VRK2: variants seen among roughly 807,000 people sequenced by gnomAD.
VRK2 encodes the protein serine/threonine-protein kinase VRK2.
In VRK2, 60 loss-of-function variants were observed where a neutral mutation model predicts 57.6. That is an observed-to-expected ratio of 1.04 (90% CI 0.85 to 1.29). VRK2 has a LOEUF of 1.29. VRK2 is among the 50% of genes most tolerant of loss of function. The pLI is 0.00. For missense variants in VRK2, 705 were observed against 588.1 expected (o/e 1.20, Z -2.06); for synonymous variants, 231 against 199.2 (o/e 1.16, Z -1.35).
chr2:58,135,015 C>CA (rs879151541), intron 9 of VRK2, 126 bp from the exon 10 acceptor site: 17,324 of 751,668 alleles, frequency 0.023, 9 homozygotes, highest in Non-Finnish European at 0.025. Context: ...AGTTGGGTGA[C>CA]AAAAAAAAAA....
At chr2:57,986,989 C>T (rs549394178) in intron 1 of VRK2, among the ~76,000 whole-genome samples, 26 of 152,152 alleles carry the variant, frequency 1.7e-4, no homozygotes, top group Non-Finnish European at 3.5e-4. Flanking sequence ...GTTGGAAAAA[C>T]TGGATATACA....
intron 1 of VRK2, among the ~76,000 whole-genome samples, chr2:58,019,213 G>T (rs187639641): frequency 2.0e-5 from 3 of 152,294 alleles, no homozygotes; most frequent in African/African-American, 7.2e-5. Context: ...ACAATAAGGA[G>T]AAATTTTTAC....
chr2:58,040,986 C>G, intron 3 of VRK2: 1 of 953,816 alleles, frequency 1.0e-6, no homozygotes, highest in Non-Finnish European at 1.2e-6. Context: ...ATTGAACATT[C>G]AGCTTCTGCT....
chr2:58,041,033 T>C (rs943641193), intron 3 of VRK2: 43 of 985,122 alleles, frequency 4.4e-5, no homozygotes, highest in Admixed American at 6.2e-5. Context: ...CTCCTCCTTA[T>C]CCAGCTCATG....
In VRK2 at chr2:58,088,373, T is replaced by C. The variant is rs931213441; in HGVS notation, c.377T>C (p.Ile126Thr). Residue 126 changes from isoleucine (I) to threonine (T), a missense_variant, in exon 6 of 13, where the codon ATA becomes ACA. Transcript: ENST00000340157. ...TTTATGGTAATGGAAAGACTAGGAA[T>C]AGATTTACAGAAGATCTCAGGCCAG... The part of the protein sequence containing the change: ...YRFMVMERLG[I>T]DLQKISGQNG... 6 of 1,613,114 alleles carry C rather than the reference T, an allele frequency of 3.7e-6. No homozygotes were observed. Among genetic ancestry groups the C allele is most frequent in the Admixed American group, 1.7e-5 (1 of 59,870 alleles).
intron 2 of VRK2, among the ~76,000 whole-genome samples, chr2:58,031,678 T>G (rs1278647750): frequency 6.6e-6 from 1 of 152,074 alleles, no homozygotes; most frequent in African/African-American, 2.4e-5. Context: ...TAGGTAAAAC[T>G]GACTCAAAAC....
intron 2 of VRK2, chr2:58,058,572 A>C (rs2103869255): frequency 3.6e-6 from 1 of 276,024 alleles, no homozygotes; most frequent in East Asian, 9.3e-5. Flanking sequence ...AGAACACAGA[A>C]AAGTAAAAAA....
intron 3 of VRK2, among the ~76,000 whole-genome samples, chr2:58,034,111 A>T (rs1178100385): frequency 1.3e-5 from 2 of 152,030 alleles, no homozygotes; most frequent in African/African-American, 2.4e-5. Flanking sequence ...CTTAGTAGCT[A>T]GTCTTAATAT....
chr2:58,001,592 C>T (rs1472797527), intron 1 of VRK2, among the ~76,000 whole-genome samples: 15 of 152,190 alleles, frequency 9.9e-5, no homozygotes, highest in Middle Eastern at 3.4e-3. Flanking sequence ...GAGGACAAGG[C>T]GGGCTGATCA....
intron 1 of VRK2, among the ~76,000 whole-genome samples, chr2:57,935,932 T>C (rs1670890053): frequency 6.6e-6 from 1 of 152,182 alleles, no homozygotes; most frequent in Non-Finnish European, 1.5e-5. Context: ...CTCCAAGGTG[T>C]GCTGGGACTT....
chr2:58,021,719 G>A (rs1182903094), intron 1 of VRK2, among the ~76,000 whole-genome samples: 3 of 151,534 alleles, frequency 2.0e-5, no homozygotes, highest in African/African-American at 7.3e-5. Flanking sequence ...TTATTTTTCT[G>A]TTATGCAAAG....
chr2:58,118,671 TC>T (rs1220653773), intron 7 of VRK2, among the ~76,000 whole-genome samples: 1 of 151,276 alleles, frequency 6.6e-6, no homozygotes, highest in Non-Finnish European at 1.5e-5. Context: ...CCAAGGGAGG[TC>T]CCCCGATCCG....
chr2:58,076,401 T>C (rs1343490462), intron 2 of VRK2, among the ~76,000 whole-genome samples: 1 of 152,028 alleles, frequency 6.6e-6, no homozygotes, highest in African/African-American at 2.4e-5. Flanking sequence ...GTGTTGAGTA[T>C]CTCTTGTAAG....
chr2:58,120,179 C>CTTTTATTTTTTTTTTT, intron 7 of VRK2, among the ~76,000 whole-genome samples: 1 of 93,364 alleles, frequency 1.1e-5, no homozygotes, highest in African/African-American at 4.6e-5. Flanking sequence ...ATTTTTTTTT[C>CTTTTATTTTTTTTTTT]TTTTCTTTTT....
chr2:58,007,921 T>A (rs1278486589), intron 1 of VRK2, among the ~76,000 whole-genome samples: 3 of 152,126 alleles, frequency 2.0e-5, no homozygotes, highest in Admixed American at 1.3e-4. Flanking sequence ...AGCAATATGC[T>A]AAAATTACAA....
chr2:57,997,901 AAAAAAAAAAG>A (rs1672974604), intron 1 of VRK2, among the ~76,000 whole-genome samples: 1 of 15,726 alleles, frequency 6.4e-5, no homozygotes, highest in South Asian at 1.1e-3. Context: ...ACTCAAAAAG[AAAAAAAAAAG>A]AAAAAAAAGG....
chr2:57,917,333 G>A (rs927799903), intron 1 of VRK2, among the ~76,000 whole-genome samples: 1 of 151,762 alleles, frequency 6.6e-6, no homozygotes, highest in Non-Finnish European at 1.5e-5. Flanking sequence ...ATGGGTGCTT[G>A]TGGTATAAAT....
chr2:57,929,250 G>C (rs768145620), intron 1 of VRK2, among the ~76,000 whole-genome samples: 48 of 152,316 alleles, frequency 3.2e-4, no homozygotes, highest in Non-Finnish European at 6.2e-4. Flanking sequence ...TACTGTGGCT[G>C]AGTTGGCACC....
chr2:57,939,881 G>C (rs886145999), intron 1 of VRK2, among the ~76,000 whole-genome samples: 2 of 152,090 alleles, frequency 1.3e-5, no homozygotes, highest in African/African-American at 4.8e-5. Flanking sequence ...CTTTTATTGG[G>C]TATTGATAAA....
Sources: gnomAD v4.1 joint callset for allele counts (sites outside exome capture counted in the v4.1 genomes callset) on GRCh38, gnomAD v4.1.1 for gene constraint, MANE v1.5 for transcripts, NCBI Gene and HGNC (gene_info 2026-07-23, HGNC 2026-07-21) for gene names.